KLHL36: variants seen among roughly 807,000 people sequenced by gnomAD.
The protein encoded by KLHL36 is kelch like family member 36.
In KLHL36, 35 loss-of-function variants were observed where a neutral mutation model predicts 53.3. That is an observed-to-expected ratio of 0.66 (90% CI 0.50 to 0.87). KLHL36 has a LOEUF of 0.87. Among genes scored for constraint, KLHL36 ranks in the 40% least tolerant of loss-of-function variants. The pLI, the probability that KLHL36 is intolerant of heterozygous loss-of-function variation, is 0.00. For synonymous variants in KLHL36, 472 were observed against 398.9 expected (o/e 1.18, Z -2.18); for missense variants, 864 against 897.6 (o/e 0.96, Z 0.48).
intron 2 of KLHL36, among the ~76,000 whole-genome samples, chr16:84,654,385 T>C (rs552533769): frequency 6.6e-6 from 1 of 152,186 alleles, no homozygotes; most frequent in Non-Finnish European, 1.5e-5. Flanking sequence ...CGGTGGCTTA[T>C]ACCTGTAATC....
chr16:84,658,236 G>C, intron 3 of KLHL36: 1 of 297,798 alleles, frequency 3.4e-6, no homozygotes, highest in Non-Finnish European at 6.2e-6. Context: ...AGCCACAGCC[G>C]CATGTGGCGA....
chr16:84,658,052 C>G (rs986538470), intron 3 of KLHL36, 108 bp downstream of exon 3: 4 of 818,836 alleles, frequency 4.9e-6, no homozygotes, highest in South Asian at 4.3e-5. Context: ...TATCCTGCTT[C>G]TGAATGAGGT....
intron 2 of KLHL36, among the ~76,000 whole-genome samples, chr16:84,656,631 C>CAAA (rs71151239): frequency 7.2e-5 from 9 of 125,650 alleles, no homozygotes; most frequent in African/African-American, 2.4e-4. Context: ...GGCTCTGTGT[C>CAAA]AAAAAAAAAA....
chr16:84,654,997 G>A (rs900142077), intron 2 of KLHL36, among the ~76,000 whole-genome samples: 1 of 152,156 alleles, frequency 6.6e-6, no homozygotes, highest in Non-Finnish European at 1.5e-5. Flanking sequence ...TTCTAAAAAT[G>A]AGAAAAAATT....
At position 84,661,633 on chromosome 16, in the gene KLHL36, G is replaced by A; in HGVS notation, c.1351G>A (p.Gly451Ser). The stretch of plus-strand genomic sequence containing the variant: ...CAAAGACTTCGTGTACATCTCGGGG[G>A]GCCACGACTACCAAATTGGCCCCTA... ...IYKDFVYISG[G>S]HDYQIGPYRK... Residue 451 changes from glycine (G) to serine (S), a missense_variant, in exon 5 of 5, where the codon GGC (glycine) becomes AGC (serine). Gly to Ser is a moderately conservative substitution (Grantham distance 56, BLOSUM62 0). Transcript: ENST00000564996. The surrounding 1 kb of genome is among the most constrained non-coding windows in gnomAD (Gnocchi z 7.9). 1 of 1,611,698 alleles carries A rather than the reference G, an allele frequency of 6.2e-7. No homozygotes were observed. Among genetic ancestry groups the A allele is most frequent in the Non-Finnish European group, 8.5e-7 (1 of 1,178,988 alleles).
chr16:84,661,432 G>C lies in KLHL36; in HGVS notation c.1296-146G>C. On this transcript the variant is annotated intron_variant, in intron 4 of 4. Coordinates refer to ENST00000564996, the MANE Select transcript of KLHL36 (RefSeq NM_024731.4). The surrounding 1 kb of genome is among the most constrained non-coding windows in gnomAD (Gnocchi z 7.9). ...CATTTCTTTGCTAATGACGGCTACT[G>C]TCTATAGAGTGTTCATGGGGTGCCC... 1 of 776,318 alleles carries C rather than the reference G, an allele frequency of 1.3e-6. No individual in the cohort carries two copies. The highest frequency in any genetic ancestry group is 2.6e-5 in the East Asian group (1 of 38,400). The allele number at this position is 776,318 out of a possible 1,614,324, so 48.1% of individuals were successfully genotyped here.
In KLHL36 at chr16:84,657,530, C is replaced by A. The variant is rs746031243; in HGVS notation, c.723C>A (p.Pro241=). 6.2e-7 allele frequency: 1 copy of A among 1,610,182 alleles called. No individual in the cohort carries two copies. Among genetic ancestry groups the A allele is most frequent in the South Asian group, 1.1e-5 (1 of 91,078 alleles). ...AGAACATCCACTTCCCGCTCATCCC[C>A]AAGAACGACCTGCTGCACCGCGTCA... The part of the protein sequence containing the change: ...VLENIHFPLI[P]KNDLLHRVKP... The change falls in exon 3 of 5, where the codon CCC becomes CCA. Residue 241 remains proline (P), a synonymous_variant. Transcript: ENST00000564996.
chr16:84,653,743 G>A (rs1907037712), intron 2 of KLHL36, among the ~76,000 whole-genome samples: 1 of 151,808 alleles, frequency 6.6e-6, no homozygotes, highest in Non-Finnish European at 1.5e-5. Flanking sequence ...AGGAGGCTGA[G>A]GCAGGAGAAT....
In KLHL36 at chr16:84,657,325, A is replaced by G. The variant is rs756956414; in HGVS notation, c.518A>G (p.Asn173Ser). ...LDAFIDGFIL[N>S]HFGTLSFTPD... ...GCCTTCATCGATGGCTTCATCCTGA[A>G]CCACTTCGGCACGCTGTCCTTTACG... Residue 173 changes from asparagine to serine, a missense_variant, in exon 3 of 5, where the codon AAC (asparagine) becomes AGC (serine). Physicochemically the swap from Asn to Ser is conservative, Grantham distance 46 (BLOSUM62 1). Transcript: ENST00000564996. The G allele has an allele frequency of 1.1e-5, 18 of 1,613,446 alleles. No individual in the cohort carries two copies. Among genetic ancestry groups the G allele is most frequent in the Non-Finnish European group, 1.4e-5 (17 of 1,180,024 alleles).
At chr16:84,654,401 A>G (rs1907081287) in intron 2 of KLHL36, among the ~76,000 whole-genome samples, 1 of 152,080 alleles carries the variant, frequency 6.6e-6, no homozygotes, top group African/African-American at 2.4e-5. Context: ...TAATCCCAGC[A>G]CATTGGGAGG....
At chr16:84,658,335 G>C (rs2150726150) in intron 3 of KLHL36, 1 of 162,698 alleles carries the variant, frequency 6.1e-6, no homozygotes, top group South Asian at 1.9e-4. Context: ...AGTGTATGTG[G>C]CCGCACGAGG....
At chr16:84,656,827 C>T (rs769900968) in intron 2 of KLHL36, 44 bp from the exon 3 acceptor site, 28 of 1,489,822 alleles carry the variant, frequency 1.9e-5, no homozygotes, top group Admixed American at 5.3e-5. Flanking sequence ...GGACCAGGGC[C>T]GAGCAGGCTG....
intron 2 of KLHL36, among the ~76,000 whole-genome samples, chr16:84,652,919 C>G (rs1448639116): frequency 6.6e-6 from 1 of 152,080 alleles, no homozygotes; most frequent in Non-Finnish European, 1.5e-5. Context: ...ACCTGTCTGC[C>G]CTAAGATGTG....
rs780694023 is a variant in KLHL36 at position 84,661,975 on chromosome 16, G to A, written c.1693G>A (p.Val565Met). ...GGAGAACACTGCCTTCTCCAAGACC[G>A]TGCAGGTGTACGACCGCGAGGCCGA... Reference protein sequence around the residue: ...SWENTAFSKTVQVYDREADKW... With the variant: ...SWENTAFSKTMQVYDREADKW... The change falls in exon 5 of 5, where the codon GTG becomes ATG. Residue 565 changes from valine (V) to methionine (M), a missense_variant. Val to Met is a conservative substitution (Grantham distance 21). Transcript: ENST00000564996. The surrounding 1 kb of genome is among the most constrained non-coding windows in gnomAD (Gnocchi z 7.9). 57 of 1,598,510 alleles carry A rather than the reference G, an allele frequency of 3.6e-5. No individual in the cohort carries two copies. The East Asian group carries it at 4.1e-4, about 11-fold the overall frequency.
chr16:84,654,901 C>A (rs370461641), intron 2 of KLHL36, among the ~76,000 whole-genome samples: 1 of 152,186 alleles, frequency 6.6e-6, no homozygotes, highest in Non-Finnish European at 1.5e-5. Flanking sequence ...TGAGCCACCA[C>A]GCCCGGCTGA....
chr16:84,657,562 C>A lies in KLHL36; in HGVS notation c.755C>A (p.Ala252Asp), dbSNP rs1273186810. ...GACCTGCTGCACCGCGTCAAGCCGG[C>A]CGTGTGCTCGCTGCTGCCCAAGGAG... Reference protein sequence around the residue: ...KNDLLHRVKPAVCSLLPKEAN... With the variant: ...KNDLLHRVKPDVCSLLPKEAN... The change falls in exon 3 of 5, where the codon GCC becomes GAC. Residue 252 changes from alanine (A) to aspartate (D), a missense_variant. Ala to Asp is a moderately radical substitution (Grantham distance 126). Coordinates refer to ENST00000564996, the MANE Select transcript of KLHL36 (RefSeq NM_024731.4). The A allele has an allele frequency of 3.7e-6, 6 of 1,610,746 alleles. No homozygotes were observed. Among genetic ancestry groups the A allele is most frequent in the Non-Finnish European group, 5.1e-6 (6 of 1,179,886 alleles).
Position 84,665,145 on chromosome 16 carries a change from T to C in KLHL36, c.*3012T>C, listed in dbSNP as rs1036098460. 6.6e-6 allele frequency: 1 copy of C among 152,196 alleles called. No individual in the cohort carries two copies. Among genetic ancestry groups the C allele is most frequent in the African/African-American group, 2.4e-5 (1 of 41,452 alleles). 9.4% of individuals were successfully genotyped at this position (152,196 alleles called of 1,614,324 possible). On this transcript the variant is annotated 3_prime_UTR_variant, in exon 5 of 5. Coordinates refer to ENST00000564996, the MANE Select transcript of KLHL36 (RefSeq NM_024731.4). ...TAAACTAGAGTGATGAAGGCACAGG[T>C]GCTTGCAGGCTGCCATTTTGAGAGG...
At position 84,648,599 on chromosome 16, in the gene KLHL36, C is replaced by A. The variant is rs866672955; in HGVS notation, c.-67C>A. 6.8e-6 allele frequency: 1 copy of A among 147,862 alleles called. No individual in the cohort carries two copies. Among genetic ancestry groups the A allele is most frequent in the South Asian group, 1.8e-4 (1 of 5,532 alleles). The allele number at this position is 147,862 out of a possible 1,614,324, so 9.2% of individuals were successfully genotyped here. A position where few individuals can be genotyped will look rare whatever the true frequency, so the allele number is the denominator to read the frequency against. On this transcript the variant is annotated 5_prime_UTR_variant, in exon 1 of 5. Coordinates refer to ENST00000564996, the MANE Select transcript of KLHL36 (RefSeq NM_024731.4). The surrounding 1 kb of genome is among the most constrained non-coding windows in gnomAD (Gnocchi z 4.9). ...CCCGGGCCCCGCCGCCCCGACCGCC[C>A]GGCCCCGCCGCCGGGGCTGTCCCCG...
chr16:84,653,868 G>A (rs1011552633), intron 2 of KLHL36, among the ~76,000 whole-genome samples: 4 of 149,152 alleles, frequency 2.7e-5, no homozygotes, highest in Non-Finnish European at 4.4e-5. Context: ...AAGGGAACTC[G>A]TGTGCCTGTG....
Sources: allele counts gnomAD v4.1 joint callset (sites outside exome capture counted in the v4.1 genomes callset), GRCh38; gene constraint gnomAD v4.1.1; non-coding constraint Gnocchi (gnomAD v3.1); transcripts MANE v1.5; gene names NCBI Gene and HGNC (gene_info 2026-07-23, HGNC 2026-07-21).